The following SIPA1L1 variants were observed in gnomAD, a reference collection of about 807,000 sequenced individuals.
The protein encoded by SIPA1L1 is signal induced proliferation associated 1 like 1.
Under a neutral mutation model 162.7 loss-of-function variants are expected in SIPA1L1, and 26 were observed. The observed-to-expected ratio is 0.16, with a 90% CI of 0.12 to 0.22. SIPA1L1 has a LOEUF of 0.22. Ranked by LOEUF, SIPA1L1 falls within the 10% of genes least tolerant of loss-of-function variation. The pLI is 1.00. For missense variants in SIPA1L1, 1,874 were observed against 2,241.0 expected (o/e 0.84, Z 3.31); for synonymous variants, 829 against 837.4 (o/e 0.99, Z 0.17).
chr14:71,589,403 T>C lies in SIPA1L1; in HGVS notation c.1498+33T>C, dbSNP rs762023830. On this transcript the variant is annotated intron_variant, in intron 5 of 23. Transcript: ENST00000381232. The stretch of plus-strand genomic sequence containing the variant: ...GAGATCCTTTATTTCTTACATTTTC[T>C]TTTGCAGTACTTTCTGAAGAAAAGT... The C allele has an allele frequency of 2.1e-6, 3 of 1,414,330 alleles. No homozygotes were observed. The South Asian group carries it at 3.7e-5, about 17-fold the overall frequency. The allele number at this position is 1,414,330 out of a possible 1,614,324, so 87.6% of individuals were successfully genotyped here.
chr14:71,417,742 A>G (rs1198004674), intron 2 of SIPA1L1, among the ~76,000 whole-genome samples: 2 of 151,986 alleles, frequency 1.3e-5, no homozygotes, highest in African/African-American at 4.8e-5. Context: ...GCACAGTTCA[A>G]ACTCGTATTG....
At chr14:71,433,261 A>AT (rs1204630458) in intron 2 of SIPA1L1, among the ~76,000 whole-genome samples, 1 of 152,094 alleles carries the variant, frequency 6.6e-6, no homozygotes, top group Non-Finnish European at 1.5e-5. Flanking sequence ...TATCTTTTGG[A>AT]TTTTGGATAT....
At chr14:71,422,381 A>G (rs905914687) in intron 2 of SIPA1L1, among the ~76,000 whole-genome samples, 3 of 152,206 alleles carry the variant, frequency 2.0e-5, no homozygotes, top group African/African-American at 4.8e-5. Flanking sequence ...TATTAAATAC[A>G]TTAATAATGT....
At chr14:71,420,352 G>T (rs967432442) in intron 2 of SIPA1L1, among the ~76,000 whole-genome samples, 23 of 152,112 alleles carry the variant, frequency 1.5e-4, no homozygotes, top group African/African-American at 5.3e-4. Context: ...AATCCATGAA[G>T]GTGGCATTAT....
intron 3 of SIPA1L1, among the ~76,000 whole-genome samples, chr14:71,516,764 G>A (rs1164571218): frequency 6.6e-6 from 1 of 151,974 alleles, no homozygotes; most frequent in Non-Finnish European, 1.5e-5. Context: ...CTTGAGGTGA[G>A]GAGTTTGAGA....
At chr14:71,596,579 A>G (rs1376067626) in intron 5 of SIPA1L1, among the ~76,000 whole-genome samples, 1 of 152,206 alleles carries the variant, frequency 6.6e-6, no homozygotes, top group East Asian at 1.9e-4. Context: ...TCATTTGTCC[A>G]TTTGTTCAGT....
At chr14:71,490,083 CTT>C (rs1203070451) in intron 2 of SIPA1L1, among the ~76,000 whole-genome samples, 1 of 152,078 alleles carries the variant, frequency 6.6e-6, no homozygotes, top group Non-Finnish European at 1.5e-5. Context: ...TTATTGCTAA[CTT>C]TTTAATAATC....
At chr14:71,552,828 G>A (rs981528989) in intron 4 of SIPA1L1, among the ~76,000 whole-genome samples, 7 of 152,066 alleles carry the variant, frequency 4.6e-5, no homozygotes, top group Non-Finnish European at 7.4e-5. Flanking sequence ...TTGACCTAAG[G>A]GACTGTCTTT....
intron 16 of SIPA1L1, among the ~76,000 whole-genome samples, chr14:71,708,029 G>GGTTTTTTTTTTTTTTTT (rs2082594052): frequency 2.4e-5 from 2 of 82,088 alleles, no homozygotes; most frequent in Non-Finnish European, 4.3e-5. Context: ...TTTTTTTTTT[G>GGTTTTTTTTTTTTTTTT]TTTTTTTTTT....
At chr14:71,556,490 G>A (rs991467529) in intron 4 of SIPA1L1, among the ~76,000 whole-genome samples, 14 of 152,222 alleles carry the variant, frequency 9.2e-5, no homozygotes, top group African/African-American at 2.9e-4. Context: ...CAGGCCTCCA[G>A]ACTTCTGACT....
chr14:71,417,935 C>T lies in SIPA1L1; in HGVS notation c.-464-94808C>T, dbSNP rs557641129. Among the ~76,000 whole-genome samples, 4 of 152,226 alleles carry T rather than the reference C, an allele frequency of 2.6e-5. No individual in the cohort carries two copies. In the South Asian group the frequency reaches 6.2e-4, roughly 24 times the overall value. On this transcript the variant is annotated intron_variant, in intron 2 of 23. Transcript: ENST00000381232. ...GTCACTTCAGAATTATTTTGTTACA[C>T]GTTTTTATTATCCAAAGCCCATTTC...
intron 2 of SIPA1L1, among the ~76,000 whole-genome samples, chr14:71,460,946 G>A (rs1454608824): frequency 3.3e-5 from 5 of 152,206 alleles, no homozygotes; most frequent in Admixed American, 2.6e-4. Context: ...TCAGGATTGG[G>A]AACATGGTAA....
intron 5 of SIPA1L1, among the ~76,000 whole-genome samples, chr14:71,610,232 T>A (rs550192319): frequency 1.6e-4 from 24 of 152,316 alleles, no homozygotes; most frequent in Middle Eastern, 3.4e-3. Flanking sequence ...TTAGTAAAAA[T>A]AAAGATGCAT....
intron 2 of SIPA1L1, among the ~76,000 whole-genome samples, chr14:71,403,832 T>C (rs2041851430): frequency 6.6e-6 from 1 of 152,138 alleles, no homozygotes; most frequent in East Asian, 1.9e-4. Flanking sequence ...GTTTGTAGTC[T>C]GGTTGCCAGT....
chr14:71,653,417 A>G (rs760952057), intron 8 of SIPA1L1, among the ~76,000 whole-genome samples: 3 of 152,212 alleles, frequency 2.0e-5, no homozygotes, highest in Admixed American at 6.5e-5. Context: ...AGGGACCCCT[A>G]TTCAGATTTC....
At chr14:71,335,426 A>G (rs2034992546) in intron 2 of SIPA1L1, among the ~76,000 whole-genome samples, 1 of 152,248 alleles carries the variant, frequency 6.6e-6, no homozygotes. Context: ...TCAGTCAGCA[A>G]GGTTCCACTG....
chr14:71,343,747 G>A (rs2035888076), intron 2 of SIPA1L1, among the ~76,000 whole-genome samples: 2 of 152,186 alleles, frequency 1.3e-5, no homozygotes, highest in Non-Finnish European at 2.9e-5. Flanking sequence ...TGTTGTGGGG[G>A]ACCATGCTGT....
At chr14:71,460,700 C>CT (rs1420613307) in intron 2 of SIPA1L1, among the ~76,000 whole-genome samples, 1 of 152,188 alleles carries the variant, frequency 6.6e-6, no homozygotes, top group East Asian at 1.9e-4. Flanking sequence ...AAAGCTTTTG[C>CT]TAGTGGATCA....
rs528231090 is a variant in SIPA1L1, at chr14:71,643,303, A to T, written c.1819-7032A>T. On this transcript the variant is annotated intron_variant, in intron 7 of 23. Transcript: ENST00000381232. ...AAACAATGAACATAGGAAAAGTTAG[A>T]TGACTTTTTTAGTCGTTAGAGAAAT... is the stretch of plus-strand genomic sequence containing the variant. 3.5e-4 allele frequency among the ~76,000 whole-genome samples: 54 copies of T among 152,342 alleles called. No individual in the cohort carries two copies. The South Asian group carries it at 0.011, about 32-fold the overall frequency.
Sources: allele counts gnomAD v4.1 joint callset (sites outside exome capture counted in the v4.1 genomes callset), GRCh38; gene constraint gnomAD v4.1.1; transcripts MANE v1.5; gene names NCBI Gene and HGNC (gene_info 2026-07-23, HGNC 2026-07-21).